AGPS: variants seen among roughly 807,000 people sequenced by gnomAD.
The protein encoded by AGPS is alkylglycerone phosphate synthase, also known as alkyldihydroxyacetonephosphate synthase, peroxisomal.
In AGPS, 26 loss-of-function variants were observed where a neutral mutation model predicts 90.7. That is an observed-to-expected ratio of 0.29 (90% CI 0.21 to 0.40). AGPS has a LOEUF of 0.40. Ranked by LOEUF, AGPS falls within the 10% of genes least tolerant of loss-of-function variation. The pLI, the probability that AGPS is intolerant of heterozygous loss-of-function variation, is 1.00. For missense variants in AGPS, 540 were observed against 816.1 expected (o/e 0.66, Z 4.12); for synonymous variants, 294 against 285.3 (o/e 1.03, Z -0.31).
At chr2:177,520,290 A>G (rs191284091) in intron 17 of AGPS, among the ~76,000 whole-genome samples, 231 of 152,304 alleles carry the variant, frequency 1.5e-3, no homozygotes, top group Admixed American at 1.9e-3. Context: ...TCTGATTCAC[A>G]TGCCTGACAA....
At chr2:177,520,558 C>G (rs952385321) in intron 17 of AGPS, among the ~76,000 whole-genome samples, 1 of 152,134 alleles carries the variant, frequency 6.6e-6, no homozygotes, top group South Asian at 2.1e-4. Flanking sequence ...GTAGTTTTCA[C>G]TTGCACATAT....
At chr2:177,531,568 C>T (rs1466717062) in intron 19 of AGPS, among the ~76,000 whole-genome samples, 1 of 152,074 alleles carries the variant, frequency 6.6e-6, no homozygotes, top group Non-Finnish European at 1.5e-5. Flanking sequence ...GCTGTCAGTT[C>T]TTTCCAAATT....
intron 18 of AGPS, among the ~76,000 whole-genome samples, chr2:177,522,344 T>G (rs938430678): frequency 1.3e-5 from 2 of 152,196 alleles, no homozygotes; most frequent in African/African-American, 4.8e-5. Flanking sequence ...GGTCTCTAAG[T>G]GCTACTGATC....
chr2:177,418,456 C>T (rs79363846), intron 1 of AGPS, among the ~76,000 whole-genome samples: 1 of 152,112 alleles, frequency 6.6e-6, no homozygotes, highest in East Asian at 1.9e-4. Context: ...GATTCAACCT[C>T]TGTACTGAAA....
intron 5 of AGPS, among the ~76,000 whole-genome samples, chr2:177,440,522 T>G (rs1475781006): frequency 6.6e-6 from 1 of 152,156 alleles, no homozygotes; most frequent in Non-Finnish European, 1.5e-5. Context: ...AAAGATACTC[T>G]AAGGAAATGC....
chr2:177,420,384 G>T, intron 2 of AGPS, 26 bp downstream of exon 2: 2 of 1,499,180 alleles, frequency 1.3e-6, no homozygotes, highest in Non-Finnish European at 1.9e-6. Flanking sequence ...TTCTTCTTTT[G>T]TTCCTCCTTT....
chr2:177,453,105 TA>T (rs1283696302), intron 8 of AGPS, among the ~76,000 whole-genome samples: 2 of 151,996 alleles, frequency 1.3e-5, no homozygotes, highest in Non-Finnish European at 2.9e-5. Flanking sequence ...CCTTTGTTTT[TA>T]AAAAAGATAT....
intron 8 of AGPS, among the ~76,000 whole-genome samples, chr2:177,446,945 A>G (rs1686793551): frequency 6.6e-6 from 1 of 152,192 alleles, no homozygotes; most frequent in South Asian, 2.1e-4. Flanking sequence ...ATTTTTGGAA[A>G]ACTTTAGGTT....
At chr2:177,457,195 G>T (rs1338378795) in intron 8 of AGPS, among the ~76,000 whole-genome samples, 2 of 152,182 alleles carry the variant, frequency 1.3e-5, no homozygotes, top group Non-Finnish European at 2.9e-5. Context: ...TTAAAGCAGT[G>T]TGTAGAGGGA....
At chr2:177,451,318 T>C (rs1005317639) in intron 8 of AGPS, among the ~76,000 whole-genome samples, 1 of 152,148 alleles carries the variant, frequency 6.6e-6, no homozygotes, top group Non-Finnish European at 1.5e-5. Flanking sequence ...GCTGTTGTAA[T>C]TGGTATTTTT....
intron 14 of AGPS, among the ~76,000 whole-genome samples, chr2:177,502,749 C>T (rs1341151009): frequency 6.6e-6 from 1 of 152,038 alleles, no homozygotes; most frequent in Non-Finnish European, 1.5e-5. Context: ...GTTTTTAATA[C>T]TTGGAAATAT....
At chr2:177,444,646 G>A (rs533742069) in intron 7 of AGPS, among the ~76,000 whole-genome samples, 2 of 151,460 alleles carry the variant, frequency 1.3e-5, no homozygotes, top group East Asian at 3.9e-4. Flanking sequence ...ATTGTCTGTT[G>A]TGCTCTTTCC....
rs79034004 is a variant in AGPS at position 177,473,252 on chromosome 2, G to T, written c.1105+4728G>T. On this transcript the variant is annotated intron_variant, in intron 10 of 19. Transcript: ENST00000264167. The stretch of plus-strand genomic sequence containing the variant: ...TTTTCCTTGTTGATTATATTTTGGG[G>T]AGTTGAAGAAAATAGAGGGAGAGAA... Among the ~76,000 whole-genome samples, 325 of 152,224 alleles carry T rather than the reference G, an allele frequency of 2.1e-3. 3 individuals are homozygous for T. The highest frequency in any genetic ancestry group is 7.4e-3 in the African/African-American group (309 of 41,534).
chr2:177,448,264 G>A lies in AGPS; in HGVS notation c.870+2638G>A, dbSNP rs77488034. Among the ~76,000 whole-genome samples the A allele has an allele frequency of 9.3e-3, 1,414 of 152,116 alleles. 17 individuals are homozygous for A. Among genetic ancestry groups the A allele is most frequent in the Middle Eastern group, 0.037 (11 of 294 alleles). The stretch of plus-strand genomic sequence containing the variant: ...AAGTGGGTATCATAATTCCTACTTC[G>A]TGGGGTTTTTCATCAAGATGAAATA... On this transcript the variant is annotated intron_variant, in intron 8 of 19. Transcript: ENST00000264167.
At chr2:177,497,655 TA>T in intron 12 of AGPS, 33 bp from the exon 13 acceptor site, 1 of 1,251,360 alleles carries the variant, frequency 8.0e-7, no homozygotes, top group Non-Finnish European at 1.1e-6. Flanking sequence ...AAACATAGAC[TA>T]ACCTATTAAT....
chr2:177,415,025 G>A (rs1316995029), intron 1 of AGPS, among the ~76,000 whole-genome samples: 1 of 151,844 alleles, frequency 6.6e-6, no homozygotes, highest in Non-Finnish European at 1.5e-5. Context: ...GTGTTATTTA[G>A]TGTGTATATT....
chr2:177,395,819 C>T (rs1685157590), intron 1 of AGPS, among the ~76,000 whole-genome samples: 1 of 152,226 alleles, frequency 6.6e-6, no homozygotes, highest in Non-Finnish European at 1.5e-5. Context: ...GGTTATATCA[C>T]ATGGCCTGGA....
At chr2:177,394,557 C>T (rs949727269) in intron 1 of AGPS, among the ~76,000 whole-genome samples, 4 of 152,150 alleles carry the variant, frequency 2.6e-5, no homozygotes, top group African/African-American at 9.7e-5. Context: ...TGGGGCAATA[C>T]ATGATTAGAT....
Position 177,397,469 on chromosome 2 carries a change from G to GT in AGPS, c.260+4434dup, listed in dbSNP as rs1395102119. On this transcript the variant is annotated intron_variant, in intron 1 of 19. Transcript: ENST00000264167. ...ACGTCTTGGTTTTGGATTTTTTTCA[G>GT]TTTTTTTTTTTTTTAAGGCTCTTGT... Among the ~76,000 whole-genome samples, 1,054 of 137,158 alleles carry GT rather than the reference G, an allele frequency of 7.7e-3. 5 individuals carry two copies. The highest frequency in any genetic ancestry group is 0.013 in the African/African-American group (480 of 37,732). 90.0% of individuals were successfully genotyped at this position (137,158 alleles called of 152,430 possible).
Sources: gnomAD v4.1 joint callset for allele counts (sites outside exome capture counted in the v4.1 genomes callset) on GRCh38, gnomAD v4.1.1 for gene constraint, MANE v1.5 for transcripts, NCBI Gene and HGNC (gene_info 2026-07-23, HGNC 2026-07-21) for gene names.